Variants in POLR1E observed in about 807,000 individuals in gnomAD.
The protein encoded by POLR1E is RNA polymerase I subunit E.
In POLR1E, 37 loss-of-function variants were observed where a neutral mutation model predicts 50.9. That is an observed-to-expected ratio of 0.73 (90% CI 0.56 to 0.96). The LOEUF (loss-of-function observed/expected upper bound fraction) is 0.96. Ranked by LOEUF, POLR1E falls within the 40% of genes least tolerant of loss-of-function variation. The pLI is 0.00. For synonymous variants in POLR1E, 166 were observed against 191.6 expected, an observed-to-expected ratio of 0.87 and a Z score of 1.10; for missense variants, 426 against 518.1, an observed-to-expected ratio of 0.82 and a Z score of 1.73.
At chr9:37,494,219 C>T (rs1158089380) in intron 6 of POLR1E, among the ~76,000 whole-genome samples, 1 of 151,916 alleles carries the variant, frequency 6.6e-6, no homozygotes, top group Non-Finnish European at 1.5e-5. Context: ...TTTCTTTTTA[C>T]CGATTTTGGA....
chr9:37,501,334 T>C (rs1360675739), intron 10 of POLR1E, among the ~76,000 whole-genome samples: 3 of 152,216 alleles, frequency 2.0e-5, no homozygotes, highest in Non-Finnish European at 2.9e-5. Context: ...GCATGGCGTG[T>C]GTTTTCTGCT....
intron 9 of POLR1E, among the ~76,000 whole-genome samples, chr9:37,499,768 A>G (rs553186292): frequency 1.4e-5 from 2 of 144,542 alleles, no homozygotes; most frequent in Admixed American, 7.0e-5. Flanking sequence ...ACCTCAGGTG[A>G]TCCACCCTCC....
rs756604188 is a variant in POLR1E, at chr9:37,486,004, C to T, written c.-44C>T. 1.9e-6 allele frequency: 3 copies of T among 1,575,908 alleles called. No homozygotes were observed. The highest frequency in any genetic ancestry group is 2.6e-6 in the Non-Finnish European group (3 of 1,161,842). ...CGCGTGTTTAAAAGTGCGCTTGTGG[C>T]TGCTGCTGTCTTAACTCCTGTGCTT... is the stretch of plus-strand genomic sequence containing the variant. On this transcript the variant is annotated 5_prime_UTR_variant, in exon 1 of 12. Coordinates refer to ENST00000377798, the MANE Select transcript of POLR1E (RefSeq NM_022490.4).
At chr9:37,500,696 C>G (rs902944356) in intron 9 of POLR1E, 144 bp from the exon 10 acceptor site, 5 of 623,692 alleles carry the variant, frequency 8.0e-6, no homozygotes, top group Non-Finnish European at 1.4e-5. Flanking sequence ...TGTGGCTGTT[C>G]TGCTTTGTGT....
intron 3 of POLR1E, 46 bp from the exon 4 acceptor site, chr9:37,489,269 C>A: frequency 7.3e-7 from 1 of 1,361,084 alleles, no homozygotes; most frequent in Non-Finnish European, 1.0e-6. Flanking sequence ...ACAAATAATG[C>A]TTTTGAATAA....
intron 9 of POLR1E, among the ~76,000 whole-genome samples, chr9:37,498,752 T>G (rs189580011): frequency 6.6e-6 from 1 of 152,318 alleles, no homozygotes; most frequent in East Asian, 1.9e-4. Context: ...CCCTCATACC[T>G]ACCCAGAGTT....
intron 1 of POLR1E, 68 bp downstream of exon 1, chr9:37,486,191 T>C: frequency 6.7e-7 from 1 of 1,489,510 alleles, no homozygotes; most frequent in Non-Finnish European, 9.0e-7. Context: ...ACCTCAGCTG[T>C]CCTCTCGCCC....
chr9:37,495,801 C>T (rs1309872832), intron 7 of POLR1E, 89 bp from the exon 8 acceptor site: 2 of 919,640 alleles, frequency 2.2e-6, no homozygotes, highest in African/African-American at 3.3e-5. Context: ...GAGCCTGTTT[C>T]CCTGTCTGTG....
In POLR1E at chr9:37,500,866, A is replaced by G. The variant is rs773219779; in HGVS notation, c.913A>G (p.Ile305Val). 1 of 1,613,996 alleles carries G rather than the reference A, an allele frequency of 6.2e-7. No individual in the cohort carries two copies. The highest frequency in any genetic ancestry group is 1.3e-5 in the African/African-American group (1 of 75,050). The change falls in exon 10 of 12, where the codon ATC (isoleucine) becomes GTC (valine). Residue 305 changes from isoleucine (I) to valine (V), a missense_variant. Transcript: ENST00000377798. The part of the protein sequence containing the change: ...KSALGPGVPH[I>V]INTKLLKHFT... ...TGCTCTGGGACCTGGAGTTCCCCAC[A>G]TCATCAACACCAAACTGCTGAAGCA... is the stretch of plus-strand genomic sequence containing the variant.
In POLR1E at chr9:37,495,249, C is replaced by A. The variant is rs1223707558; in HGVS notation, c.628C>A (p.Pro210Thr). Residue 210 changes from proline (P) to threonine (T), a missense_variant, in exon 7 of 12, where the codon CCT becomes ACT. Transcript: ENST00000377798. ...LPPCYDDAAKPEDVYKFEDLL... is the reference protein window; with the variant it reads ...LPPCYDDAAKTEDVYKFEDLL... ...TCCCTGCTATGATGATGCAGCCAAG[C>A]CTGAAGACGTGTATAAATTTGAAGA... 1.9e-6 allele frequency: 3 copies of A among 1,613,796 alleles called. No individual in the cohort carries two copies. In the African/African-American group the frequency reaches 4.0e-5, roughly 22 times the overall value.
At chr9:37,499,848 C>CTTT (rs369146345) in intron 9 of POLR1E, among the ~76,000 whole-genome samples, 3 of 135,904 alleles carry the variant, frequency 2.2e-5, no homozygotes, top group Non-Finnish European at 1.6e-5. Flanking sequence ...TTGCTTAGTT[C>CTTT]TTTTTTTTTT....
At position 37,490,889 on chromosome 9, in the gene POLR1E, G is replaced by A. The variant is rs990144558; in HGVS notation, c.343+1489G>A. The A allele has an allele frequency of 5.2e-5, 27 of 523,650 alleles. No homozygotes were observed. In the Admixed American group the frequency reaches 5.9e-4, roughly 11 times the overall value. The allele number at this position is 523,650 out of a possible 1,614,324, so 32.4% of individuals were successfully genotyped here. A position where few individuals can be genotyped will look rare whatever the true frequency, so the allele number is the denominator to read the frequency against. ...GCCTCTCCTCTTTCCCTTTGTGTTT[G>A]TCATTTTGATGAATTACTGCAAGAT... On this transcript the variant is annotated intron_variant, in intron 4 of 11. Transcript: ENST00000377798.
chr9:37,492,332 T>C, intron 4 of POLR1E: 1 of 1,310,414 alleles, frequency 7.6e-7, no homozygotes, highest in Non-Finnish European at 1.0e-6. Context: ...CAAGGACTTG[T>C]TTTCTAATCC....
At chr9:37,486,912 A>G in intron 2 of POLR1E, 106 bp downstream of exon 2, 2 of 1,361,482 alleles carry the variant, frequency 1.5e-6, no homozygotes, top group Non-Finnish European at 2.0e-6. Context: ...GAGTAGTAGC[A>G]AATGGAGCTT....
intron 9 of POLR1E, 85 bp from the exon 10 acceptor site, chr9:37,500,755 C>T (rs1820872164): frequency 9.5e-7 from 1 of 1,051,090 alleles, no homozygotes. Context: ...AGTGGCCCAG[C>T]TGTTGGCCTT....
chr9:37,489,344 C>T lies in POLR1E; in HGVS notation c.287C>T (p.Ser96Phe). The change falls in exon 4 of 12, where the codon TCT (serine) becomes TTT (phenylalanine). Residue 96 changes from serine (S) to phenylalanine (F), a missense_variant. Transcript: ENST00000377798. ...TTTGTGGGAATTTTGAACAAGACCT[C>T]TGGCCAAATGGAAGTATATGATGCT... ...RHFVGILNKT[S>F]GQMEVYDAEL... 1.2e-6 allele frequency: 2 copies of T among 1,601,802 alleles called. No homozygotes were observed. The highest frequency in any genetic ancestry group is 1.3e-5 in the African/African-American group (1 of 74,234).
At chr9:37,501,181 C>T (rs1381125755) in intron 10 of POLR1E, among the ~76,000 whole-genome samples, 1 of 152,242 alleles carries the variant, frequency 6.6e-6, no homozygotes, top group Non-Finnish European at 1.5e-5. Flanking sequence ...TGTTTTACTT[C>T]ACATACTTTT....
chr9:37,500,338 C>T (rs994771568), intron 9 of POLR1E, among the ~76,000 whole-genome samples: 1 of 151,840 alleles, frequency 6.6e-6, no homozygotes, highest in African/African-American at 2.4e-5. Flanking sequence ...GTTTGCGCCA[C>T]CATACCTGGC....
chr9:37,500,951 GT>G (rs765226337), intron 10 of POLR1E, 30 bp downstream of exon 10: 6 of 1,577,986 alleles, frequency 3.8e-6, no homozygotes, highest in Non-Finnish European at 1.7e-6. Context: ...GATTTTTCTT[GT>G]GCAGGAGAAA....
Sources: gnomAD v4.1 joint callset for allele counts (sites outside exome capture counted in the v4.1 genomes callset) on GRCh38, gnomAD v4.1.1 for gene constraint, MANE v1.5 for transcripts, NCBI Gene and HGNC (gene_info 2026-07-23, HGNC 2026-07-21) for gene names.